The following MIX23 variants were observed in gnomAD, a reference collection of about 807,000 sequenced individuals.
The protein encoded by MIX23 is mitochondrial matrix import factor 23, also known as protein MIX23.
A neutral mutation model predicts 21.6 loss-of-function variants in MIX23; 13 were observed. The observed-to-expected ratio is 0.60, with a 90% CI of 0.39 to 0.96. The LOEUF (loss-of-function observed/expected upper bound fraction) is 0.96. MIX23 is among the 40% of genes least tolerant of loss of function. The probability of loss-of-function intolerance (pLI) is 0.00; values close to 1 mark genes in which losing one functional copy is unlikely to be tolerated. For synonymous variants in MIX23, 59 were observed against 58.0 expected (o/e 1.02, Z -0.08); for missense variants, 144 against 171.2 (o/e 0.84, Z 0.89).
rs745507589 is a variant in MIX23 at position 122,368,223 on chromosome 3, A to G, written c.277T>C (p.Leu93=). ...TGTTTTAATAACGTTAAATCGTCCA[A>G]ATTCTTTTCTCTCTCTTCTCGGAGG... ...KNLREEREKN[L]DDLTLLKQLR... is the part of the protein sequence containing the mutation. The change falls in exon 3 of 5, where the codon TTG becomes CTG. Residue 93 remains leucine, a synonymous_variant. Transcript: ENST00000291458. 3 of 1,610,278 alleles carry G rather than the reference A, an allele frequency of 1.9e-6. No individual in the cohort carries two copies. In the South Asian group the frequency reaches 3.3e-5, roughly 18 times the overall value.
At position 122,359,941 on chromosome 3, in the gene MIX23, A is replaced by G. The variant is rs560158811; in HGVS notation, c.385-22T>C. 5.0e-6 allele frequency: 8 copies of G among 1,588,894 alleles called. No homozygotes were observed. In the South Asian group the frequency reaches 8.2e-5, roughly 16 times the overall value. On this transcript the variant is annotated intron_variant, in intron 4 of 4. Transcript: ENST00000291458. ...ACACCTAAAATATTGAAACAGAAAC[A>G]AAAGTCATTGAGTTATCCTGCGTAA...
intron 4 of MIX23, 68 bp from the exon 5 acceptor site, chr3:122,359,987 C>G (rs2075346346): frequency 9.3e-6 from 13 of 1,405,402 alleles, no homozygotes; most frequent in East Asian, 2.4e-5. Flanking sequence ...GAACTAAATT[C>G]AATTTAGTAG....
chr3:122,366,863 C>T (rs769554505), intron 3 of MIX23: 12 of 151,886 alleles, frequency 7.9e-5, no homozygotes, highest in Non-Finnish European at 1.2e-4. Flanking sequence ...GCTTGAGCCC[C>T]AGAACCAGAG....
chr3:122,369,131 T>C (rs921942918), intron 2 of MIX23, among the ~76,000 whole-genome samples: 3 of 152,218 alleles, frequency 2.0e-5, no homozygotes, highest in Non-Finnish European at 4.4e-5. Flanking sequence ...TTGTTAAACA[T>C]TGTTTCAAGT....
At chr3:122,365,123 C>T (rs2075387159) in intron 3 of MIX23, among the ~76,000 whole-genome samples, 1 of 152,162 alleles carries the variant, frequency 6.6e-6, no homozygotes, top group South Asian at 2.1e-4. Context: ...AAACTTAAGG[C>T]CACTAACATG....
chr3:122,360,223 G>A (rs369917829), intron 4 of MIX23, among the ~76,000 whole-genome samples: 14 of 151,892 alleles, frequency 9.2e-5, no homozygotes, highest in African/African-American at 3.4e-4. Context: ...TTCATATTCT[G>A]GACATTTTTT....
At chr3:122,365,376 T>C (rs2075388864) in intron 3 of MIX23, 1 of 152,164 alleles carries the variant, frequency 6.6e-6, no homozygotes, top group Non-Finnish European at 1.5e-5. Context: ...ATCTCAAGTA[T>C]CTCTGAGTCT....
intron 1 of MIX23, among the ~76,000 whole-genome samples, chr3:122,381,793 C>T (rs754083788): frequency 2.7e-5 from 4 of 150,638 alleles, no homozygotes; most frequent in Non-Finnish European, 5.9e-5. Flanking sequence ...CAGGTGCAGG[C>T]ACAGAGAAGA....
intron 1 of MIX23, among the ~76,000 whole-genome samples, chr3:122,378,432 G>A (rs1165503515): frequency 6.6e-6 from 1 of 152,220 alleles, no homozygotes; most frequent in African/African-American, 2.4e-5. Context: ...GTCATGTAGT[G>A]CTTAATGACA....
intron 3 of MIX23, among the ~76,000 whole-genome samples, chr3:122,366,954 A>C (rs559640954): frequency 2.3e-4 from 34 of 150,796 alleles, no homozygotes; most frequent in South Asian, 4.2e-4. Context: ...CAAAAAAAAA[A>C]CCATGATTTT....
At chr3:122,373,629 C>A (rs2075460268) in intron 1 of MIX23, among the ~76,000 whole-genome samples, 1 of 152,314 alleles carries the variant, frequency 6.6e-6, no homozygotes, top group South Asian at 2.1e-4. Context: ...AAGCACAACT[C>A]ATTTGGCCAC....
At chr3:122,370,689 A>G (rs548374258) in intron 2 of MIX23, among the ~76,000 whole-genome samples, 2 of 152,260 alleles carry the variant, frequency 1.3e-5, no homozygotes, top group East Asian at 3.9e-4. Flanking sequence ...AAGTGACCAT[A>G]AATTCTAGTT....
intron 1 of MIX23, among the ~76,000 whole-genome samples, chr3:122,381,678 A>C (rs2075532952): frequency 6.6e-6 from 1 of 151,216 alleles, no homozygotes; most frequent in African/African-American, 2.4e-5. Context: ...AGATTGTGCC[A>C]CTGCACTCCA....
intron 1 of MIX23, among the ~76,000 whole-genome samples, chr3:122,378,653 T>A (rs981326486): frequency 1.3e-5 from 2 of 152,208 alleles, no homozygotes; most frequent in African/African-American, 4.8e-5. Context: ...TCTAAATATA[T>A]CTACATATGG....
At chr3:122,375,973 C>G (rs1382182729) in intron 1 of MIX23, among the ~76,000 whole-genome samples, 2 of 151,598 alleles carry the variant, frequency 1.3e-5, no homozygotes, top group Non-Finnish European at 2.9e-5. Flanking sequence ...ATCAGCCTGA[C>G]CAACATGGTG....
chr3:122,376,305 A>G (rs1223400014), intron 1 of MIX23, among the ~76,000 whole-genome samples: 1 of 152,028 alleles, frequency 6.6e-6, no homozygotes, highest in Non-Finnish European at 1.5e-5. Context: ...ATATATATAG[A>G]ATACCATGCA....
intron 1 of MIX23, among the ~76,000 whole-genome samples, chr3:122,374,723 G>A (rs9856011): frequency 0.12 from 18,102 of 152,098 alleles, 1,314 homozygotes; most frequent in East Asian, 0.32. Flanking sequence ...CTACAGTAGC[G>A]AATAAAAGAG....
intron 1 of MIX23, 43 bp from the exon 2 acceptor site, chr3:122,371,843 T>G: frequency 3.4e-6 from 5 of 1,489,022 alleles, no homozygotes; most frequent in Non-Finnish European, 4.6e-6. Flanking sequence ...AAATGGAAAG[T>G]TAGTGACAAA....
At chr3:122,380,321 A>G (rs571414537) in intron 1 of MIX23, among the ~76,000 whole-genome samples, 26 of 152,032 alleles carry the variant, frequency 1.7e-4, no homozygotes, top group Non-Finnish European at 3.4e-4. Flanking sequence ...CTCAAACTCT[A>G]TTTTTACATC....
Sources: gnomAD v4.1 joint callset for allele counts (sites outside exome capture counted in the v4.1 genomes callset) on GRCh38, gnomAD v4.1.1 for gene constraint, MANE v1.5 for transcripts, NCBI Gene and HGNC (gene_info 2026-07-23, HGNC 2026-07-21) for gene names.